SCN1A: variants seen among roughly 807,000 people sequenced by gnomAD.
SCN1A encodes the protein sodium channel protein type 1 subunit alpha.
SCN1A carries 13 observed loss-of-function variants against 193.7 expected under a neutral mutation model. The observed-to-expected ratio is 0.07, with a 90% confidence interval of 0.04 to 0.11. SCN1A has a LOEUF of 0.11. Ranked by LOEUF, SCN1A falls within the 10% of genes least tolerant of loss-of-function variation. The pLI, the probability that SCN1A is intolerant of heterozygous loss-of-function variation, is 1.00. For synonymous variants in SCN1A, 781 were observed against 843.6 expected (o/e 0.93, Z 1.29); for missense variants, 1,432 against 2,451.1 (o/e 0.58, Z 8.78).
At chr2:166,079,355 A>C (rs966394833) in intron 2 of SCN1A, among the ~76,000 whole-genome samples, 1 of 149,880 alleles carries the variant, frequency 6.7e-6, no homozygotes, top group African/African-American at 2.5e-5. Flanking sequence ...GCCCTTGTTT[A>C]TCTTACTGTA....
At position 165,986,456 on chromosome 2, in the gene SCN1A, T is replaced by G. The variant is rs1437350532; in HGVS notation, c.*4789A>C. The G allele has an allele frequency of 1.3e-5, 2 of 152,102 alleles. No homozygotes were observed. Among genetic ancestry groups the G allele is most frequent in the Non-Finnish European group, 2.9e-5 (2 of 67,998 alleles). The allele number at this position is 152,102 out of a possible 1,614,324, so 9.4% of individuals were successfully genotyped here. A position where few individuals can be genotyped will look rare whatever the true frequency, so the allele number is the denominator to read the frequency against. ...TCTTAACCACTATGCCGCAGATCTT[T>G]TCTAAAATATTCTTATTTTAATTAA... is the stretch of plus-strand genomic sequence containing the variant. On this transcript the variant is annotated 3_prime_UTR_variant, in exon 29 of 29. Coordinates refer to ENST00000674923, the MANE Select transcript of SCN1A (RefSeq NM_001165963.4).
At chr2:166,030,005 C>T (rs2390321) in intron 19 of SCN1A, among the ~76,000 whole-genome samples, 112,181 of 152,082 alleles carry the variant, frequency 0.74, 41,768 homozygotes, top group East Asian at 0.89. Flanking sequence ...CTGAAACACT[C>T]CAGACTATGC....
chr2:166,013,717 G>A (rs1223866177), intron 21 of SCN1A, 27 bp downstream of exon 21: 2 of 1,606,400 alleles, frequency 1.2e-6, no homozygotes, highest in Non-Finnish European at 1.7e-6. Context: ...AATTAGTGCT[G>A]TATCACCTTT....
rs1193501611 is a variant in SCN1A, at chr2:165,991,387, C to G, written c.5888G>C (p.Arg1963Thr). Reference protein sequence around the residue: ...LLIKEDMIIDRINENSITEKT... With the variant: ...LLIKEDMIIDTINENSITEKT... ...TTCTGTAATAGAGTTTTCATTTATT[C>G]TGTCAATTATCATGTCTTCTTTTAT... Residue 1963 changes from arginine (R) to threonine (T), a missense_variant, in exon 29 of 29, where the codon AGA (arginine) becomes ACA (threonine). Around this residue, in one of 18 missense-constraint regions of SCN1A, gnomAD observed 148 missense variants for 160.3 expected, o/e 0.92. Coordinates refer to ENST00000674923, the MANE Select transcript of SCN1A (RefSeq NM_001165963.4). 25 of 1,613,532 alleles carry G rather than the reference C, an allele frequency of 1.5e-5. No homozygotes were observed. The highest frequency in any genetic ancestry group is 1.9e-5 in the Non-Finnish European group (23 of 1,179,768).
At position 165,994,017 on chromosome 2, in the gene SCN1A, C is replaced by T. The variant is rs944626694; in HGVS notation, c.4852+129G>A. On this transcript the variant is annotated intron_variant, in intron 28 of 28. Coordinates refer to ENST00000674923, the MANE Select transcript of SCN1A (RefSeq NM_001165963.4). Reference sequence around the variant, plus strand: ...ACATTTTGTTAAAAAAACAAACACACTTGGATAAAATGTATCAAAATATTT... The same window carrying T: ...ACATTTTGTTAAAAAAACAAACACATTTGGATAAAATGTATCAAAATATTT... 9 of 793,058 alleles carry T rather than the reference C, an allele frequency of 1.1e-5. No individual in the cohort carries two copies. In the African/African-American group the frequency reaches 1.6e-4, roughly 14 times the overall value. 49.1% of individuals were successfully genotyped at this position (793,058 alleles called of 1,614,324 possible). A position where few individuals can be genotyped will look rare whatever the true frequency, so the allele number is the denominator to read the frequency against.
intron 2 of SCN1A, among the ~76,000 whole-genome samples, chr2:166,101,474 C>T: frequency 7.1e-6 from 1 of 141,806 alleles, no homozygotes; most frequent in Admixed American, 7.1e-5. Flanking sequence ...CTAACCTGCA[C>T]AATGTGCACA....
chr2:166,030,620 G>C (rs1695433435), intron 19 of SCN1A, among the ~76,000 whole-genome samples: 1 of 151,898 alleles, frequency 6.6e-6, no homozygotes, highest in South Asian at 2.1e-4. Flanking sequence ...CTTCCAAATA[G>C]CTTTTAGATC....
chr2:166,143,356 CG>C (rs1400705809), intron 1 of SCN1A, among the ~76,000 whole-genome samples: 1 of 151,680 alleles, frequency 6.6e-6, no homozygotes, highest in Non-Finnish European at 1.5e-5. Context: ...TTAATAGAGA[CG>C]GGGTTTCACT....
chr2:166,072,072 C>T (rs1684487428), intron 4 of SCN1A, among the ~76,000 whole-genome samples: 1 of 152,098 alleles, frequency 6.6e-6, no homozygotes, highest in Non-Finnish European at 1.5e-5. Context: ...AAATGCCAAA[C>T]TTTTGCATGC....
intron 1 of SCN1A, among the ~76,000 whole-genome samples, chr2:166,135,744 G>T (rs79091138): frequency 1.3e-5 from 2 of 152,180 alleles, no homozygotes; most frequent in African/African-American, 4.8e-5. Context: ...CTAGGGAAAA[G>T]GTACATCGAA....
chr2:166,021,868 G>T (rs927192225), intron 19 of SCN1A, among the ~76,000 whole-genome samples: 1 of 152,092 alleles, frequency 6.6e-6, no homozygotes, highest in Non-Finnish European at 1.5e-5. Context: ...AGTGGCTGAA[G>T]GCTTTAATTC....
intron 2 of SCN1A, among the ~76,000 whole-genome samples, chr2:166,085,630 C>T (rs11904006): frequency 0.21 from 32,466 of 151,874 alleles, 3,554 homozygotes; most frequent in Middle Eastern, 0.39. Flanking sequence ...GATCCAGGAA[C>T]GGGGAGAGGA....
rs750260160 is a variant in SCN1A at position 166,042,390 on chromosome 2, C to T, written c.2078G>A (p.Arg693Lys). 5 of 1,613,788 alleles carry T rather than the reference C, an allele frequency of 3.1e-6. No homozygotes were observed. The South Asian group carries it at 5.5e-5, about 18-fold the overall frequency. The part of the protein sequence containing the change: ...TTTETEMRKR[R>K]SSSFHVSMDF... Reference sequence around the variant, plus strand: ...CATGGAAACGTGGAAAGAACTTGACCTTCTCTTTCTCATTTCAGTTTCAGT... The same window carrying T: ...CATGGAAACGTGGAAAGAACTTGACTTTCTCTTTCTCATTTCAGTTTCAGT... The change falls in exon 15 of 29, where the codon AGG becomes AAG. Residue 693 changes from arginine (R) to lysine (K), a missense_variant. Around this residue, in one of 18 missense-constraint regions of SCN1A, gnomAD observed 316 missense variants for 362.1 expected, o/e 0.87. Transcript: ENST00000674923.
Position 166,054,648 on chromosome 2 carries a change from T to C in SCN1A, c.592A>G (p.Ile198Val). Reference sequence around the variant, plus strand: ...AAAAAAGGCACTTACGCAAATGTAATGACAGTGAAATCGAGCCAGTTCCAT... The same window carrying C: ...AAAAAAGGCACTTACGCAAATGTAACGACAGTGAAATCGAGCCAGTTCCAT... ...DPWNWLDFTV[I>V]TFAYVTEFVD... Residue 198 changes from isoleucine to valine, a missense_variant, in exon 7 of 29, where the codon ATT becomes GTT. Around this residue, in one of 18 missense-constraint regions of SCN1A, gnomAD observed 123 missense variants for 282.8 expected, o/e 0.43. Coordinates refer to ENST00000674923, the MANE Select transcript of SCN1A (RefSeq NM_001165963.4). 6.2e-7 allele frequency: 1 copy of C among 1,612,240 alleles called. No homozygotes were observed. The highest frequency in any genetic ancestry group is 8.5e-7 in the Non-Finnish European group (1 of 1,178,762).
intron 1 of SCN1A, among the ~76,000 whole-genome samples, chr2:166,135,140 A>G (rs191230529): frequency 6.6e-6 from 1 of 152,264 alleles, no homozygotes; most frequent in South Asian, 2.1e-4. Flanking sequence ...TGAATCAACA[A>G]AAGCTATTAC....
chr2:166,090,120 G>A (rs1574448467), intron 2 of SCN1A, among the ~76,000 whole-genome samples: 1 of 133,136 alleles, frequency 7.5e-6, no homozygotes, highest in East Asian at 2.4e-4. Flanking sequence ...GCTCACTGTA[G>A]CCTCAAACTT....
rs757206525 is a variant in SCN1A at position 166,012,154 on chromosome 2, T to C, written c.3834A>G (p.Thr1278=). ...GCCAACACCAGGCATTGGTGAAATATGTTTGATAGCCATATGCCACCCATT... is the reference window on the plus strand; with the variant it reads ...GCCAACACCAGGCATTGGTGAAATACGTTTGATAGCCATATGCCACCCATT... ...LLKWVAYGYQ[T]YFTNAWCWLD... is the part of the protein sequence containing the mutation. The change falls in exon 22 of 29, where the codon ACA becomes ACG. Residue 1278 remains threonine, a synonymous_variant. Coordinates refer to ENST00000674923, the MANE Select transcript of SCN1A (RefSeq NM_001165963.4). 2 of 1,610,456 alleles carry C rather than the reference T, an allele frequency of 1.2e-6. No homozygotes were observed. The highest frequency in any genetic ancestry group is 1.7e-6 in the Non-Finnish European group (2 of 1,177,412).
intron 14 of SCN1A, among the ~76,000 whole-genome samples, chr2:166,042,741 T>C (rs992268342): frequency 1.3e-5 from 2 of 152,206 alleles, no homozygotes; most frequent in African/African-American, 4.8e-5. Flanking sequence ...TCTGAACTAA[T>C]AGTAAAAGCC....
At chr2:166,042,473 A>G in intron 14 of SCN1A, 49 bp from the exon 15 acceptor site, 2 of 1,571,322 alleles carry the variant, frequency 1.3e-6, no homozygotes, top group Non-Finnish European at 1.7e-6. Flanking sequence ...GAGCAATATG[A>G]CAAGCAAACA....
Sources: allele counts gnomAD v4.1 joint callset (sites outside exome capture counted in the v4.1 genomes callset), GRCh38; gene constraint gnomAD v4.1.1; regional missense constraint gnomAD v4.1.1; transcripts MANE v1.5; gene names NCBI Gene and HGNC (gene_info 2026-07-23, HGNC 2026-07-21).